Variants in CFAP100 observed in about 807,000 individuals in gnomAD.
The protein encoded by CFAP100 is cilia- and flagella-associated protein 100.
Under a neutral mutation model 81.5 loss-of-function variants are expected in CFAP100, and 70 were observed. That is an observed-to-expected ratio of 0.86 (90% confidence interval 0.71 to 1.05). The LOEUF is 1.05. Ranked by LOEUF, CFAP100 falls within the 50% of genes least tolerant of loss-of-function variation. The probability of loss-of-function intolerance (pLI) is 0.00; values close to 1 mark genes in which losing one functional copy is unlikely to be tolerated. For missense variants in CFAP100, 811 were observed against 776.5 expected (o/e 1.04, Z -0.53); for synonymous variants, 341 against 314.8 (o/e 1.08, Z -0.88).
Position 126,416,445 on chromosome 3 carries a change from G to C in CFAP100, c.355G>C (p.Ala119Pro), listed in dbSNP as rs1488378584. The part of the protein sequence containing the change: ...EDKQEDLEAR[A>P]EAEHQRAFRD... ...CAAGCAGGAGGACCTGGAGGCGCGCGCCGAGGCCGAGCATCAGCGCGCCTT... is the reference window on the plus strand; with the variant it reads ...CAAGCAGGAGGACCTGGAGGCGCGCCCCGAGGCCGAGCATCAGCGCGCCTT... Residue 119 changes from alanine to proline, a missense_variant, in exon 5 of 17, where the codon GCC becomes CCC. By Grantham distance (27) the Ala-to-Pro change is conservative. Coordinates refer to ENST00000352312, the MANE Select transcript of CFAP100 (RefSeq NM_182628.3). The C allele has an allele frequency of 2.5e-6, 4 of 1,610,330 alleles. No individual in the cohort carries two copies. Among genetic ancestry groups the C allele is most frequent in the Non-Finnish European group, 3.4e-6 (4 of 1,178,882 alleles).
At chr3:126,434,959 G>A (rs573420711) in intron 15 of CFAP100, among the ~76,000 whole-genome samples, 1 of 152,232 alleles carries the variant, frequency 6.6e-6, no homozygotes, top group Admixed American at 6.5e-5. Flanking sequence ...CGGGACACCA[G>A]CCTGAACCCA....
chr3:126,423,063 C>G (rs1168956696), intron 11 of CFAP100, among the ~76,000 whole-genome samples: 4 of 152,242 alleles, frequency 2.6e-5, no homozygotes, highest in East Asian at 1.9e-4. Context: ...GGGCCTCTGG[C>G]GACAGGTCTG....
chr3:126,415,934 G>A (rs1035430805), intron 4 of CFAP100, among the ~76,000 whole-genome samples: 2 of 152,212 alleles, frequency 1.3e-5, no homozygotes, highest in Non-Finnish European at 2.9e-5. Context: ...CTACACAGTC[G>A]TAGTCTTCGG....
At chr3:126,434,483 C>T in intron 15 of CFAP100, 102 bp downstream of exon 15, 1 of 1,113,770 alleles carries the variant, frequency 9.0e-7, no homozygotes, top group East Asian at 2.5e-5. Flanking sequence ...GGAGACAGGC[C>T]CCTCCTGCTC....
At chr3:126,434,883 G>A (rs1323565325) in intron 15 of CFAP100, among the ~76,000 whole-genome samples, 1 of 152,176 alleles carries the variant, frequency 6.6e-6, no homozygotes, top group East Asian at 1.9e-4. Context: ...GAGGCTCAGA[G>A]AGCCTTGGGA....
chr3:126,435,574 G>A lies in CFAP100; in HGVS notation c.1644G>A (p.Lys548=), dbSNP rs1933413127. 1 of 1,611,500 alleles carries A rather than the reference G, an allele frequency of 6.2e-7. No homozygotes were observed. The highest frequency in any genetic ancestry group is 1.7e-5 in the Admixed American group (1 of 59,860). ...KERRIRLREE[K]LQMQKILQEE... Reference sequence around the variant, plus strand: ...TGCCACCCAGACTTCGAGAAGAGAAGCTCCAGATGCAAAAGATCCTACAGG... The same window carrying A: ...TGCCACCCAGACTTCGAGAAGAGAAACTCCAGATGCAAAAGATCCTACAGG... The change falls in exon 16 of 17, where the codon AAG becomes AAA. Residue 548 remains lysine (K), a synonymous_variant. Transcript: ENST00000352312.
At chr3:126,415,069 C>T (rs1576629665) in intron 4 of CFAP100, among the ~76,000 whole-genome samples, 1 of 152,130 alleles carries the variant, frequency 6.6e-6, no homozygotes, top group Admixed American at 6.5e-5. Flanking sequence ...ACTCTCTGAC[C>T]CACGCCTTGG....
intron 14 of CFAP100, 156 bp downstream of exon 14, chr3:126,433,360 C>CA (rs1380760893): frequency 4.8e-6 from 4 of 830,120 alleles, no homozygotes; most frequent in East Asian, 5.2e-5. Flanking sequence ...GGAGCCACCA[C>CA]ATGTATTGAT....
chr3:126,415,789 T>G (rs1408891920), intron 4 of CFAP100, among the ~76,000 whole-genome samples: 1 of 152,114 alleles, frequency 6.6e-6, no homozygotes, highest in Non-Finnish European at 1.5e-5. Context: ...GAGTCCTGCC[T>G]TCCTGCTCCT....
chr3:126,405,527 G>C (rs1403195760), intron 2 of CFAP100, among the ~76,000 whole-genome samples: 1 of 152,146 alleles, frequency 6.6e-6, no homozygotes, highest in Non-Finnish European at 1.5e-5. Flanking sequence ...GCTGGGGGTG[G>C]TGGTGCACAC....
At chr3:126,415,783 C>T (rs908889924) in intron 4 of CFAP100, among the ~76,000 whole-genome samples, 1 of 152,174 alleles carries the variant, frequency 6.6e-6, no homozygotes, top group South Asian at 2.1e-4. Context: ...GGAGGTGAGT[C>T]CTGCCTTCCT....
chr3:126,419,786 A>G lies in CFAP100; in HGVS notation c.881A>G (p.Glu294Gly). The change falls in exon 9 of 17, where the codon GAG becomes GGG. Residue 294 changes from glutamate (E) to glycine (G), a missense_variant. Coordinates refer to ENST00000352312, the MANE Select transcript of CFAP100 (RefSeq NM_182628.3). ...KAKEVSEASK[E>G]SSVNSTPGDK... ...AAGGAGGTCTCCGAGGCTTCCAAAG[A>G]GAGCAGTGTTAACTCCACACCAGGG... 1.2e-6 allele frequency: 2 copies of G among 1,613,988 alleles called. No individual in the cohort carries two copies. Among genetic ancestry groups the G allele is most frequent in the Non-Finnish European group, 1.7e-6 (2 of 1,180,044 alleles).
intron 13 of CFAP100, 149 bp from the exon 14 acceptor site, chr3:126,432,920 C>G: frequency 1.5e-6 from 1 of 665,204 alleles, no homozygotes; most frequent in Admixed American, 3.6e-5. Flanking sequence ...ATTTCTGACC[C>G]CCTGGGCATG....
At chr3:126,407,728 A>G (rs999866396) in intron 3 of CFAP100, among the ~76,000 whole-genome samples, 3 of 152,218 alleles carry the variant, frequency 2.0e-5, no homozygotes, top group Non-Finnish European at 1.5e-5. Context: ...CCAAGCAGCA[A>G]TGTCTTCCCA....
chr3:126,401,397 T>TTATACATA (rs2082977404), intron 2 of CFAP100, among the ~76,000 whole-genome samples: 2 of 76,188 alleles, frequency 2.6e-5, no homozygotes, highest in Admixed American at 1.3e-4. Context: ...AAATCGTATT[T>TTATACATA]TATATATATA....
chr3:126,411,166 C>A (rs1339947284), intron 3 of CFAP100, among the ~76,000 whole-genome samples: 1 of 152,122 alleles, frequency 6.6e-6, no homozygotes, highest in Non-Finnish European at 1.5e-5. Flanking sequence ...TGTTTTAATT[C>A]TGCTTATGTG....
Position 126,416,463 on chromosome 3 carries a change from C to A in CFAP100, c.373C>A (p.Arg125Ser), listed in dbSNP as rs757735622. 3.1e-6 allele frequency: 5 copies of A among 1,606,764 alleles called. No homozygotes were observed. In the African/African-American group the frequency reaches 6.7e-5, roughly 22 times the overall value. ...LEARAEAEHQ[R>S]AFRDYTTWKL... is the part of the protein sequence containing the mutation. Reference sequence around the variant, plus strand: ...GGCGCGCGCCGAGGCCGAGCATCAGCGCGCCTTCCGCGACTACACGACCTG... The same window carrying A: ...GGCGCGCGCCGAGGCCGAGCATCAGAGCGCCTTCCGCGACTACACGACCTG... The change falls in exon 5 of 17, where the codon CGC (arginine) becomes AGC (serine). Residue 125 changes from arginine to serine, a missense_variant. By Grantham distance (110) the Arg-to-Ser change is moderately radical. Transcript: ENST00000352312.
At position 126,418,686 on chromosome 3, in the gene CFAP100, C is replaced by A. The variant is rs748730480; in HGVS notation, c.562C>A (p.Arg188=). ...GACCAAAGAGGAGGCCAGGCTGGAG[C>A]GGGCCGAGAAATCCCTGGAGAAGGA... The part of the protein sequence containing the change: ...LATKEEARLE[R]AEKSLEKDAA... The change falls in exon 7 of 17, where the codon CGG becomes AGG. Residue 188 remains arginine, a synonymous_variant. Transcript: ENST00000352312. 3.2e-6 allele frequency: 5 copies of A among 1,582,168 alleles called. No homozygotes were observed. Among genetic ancestry groups the A allele is most frequent in the Non-Finnish European group, 4.3e-6 (5 of 1,165,630 alleles).
rs866705267 is a variant in CFAP100 at position 126,423,327 on chromosome 3, C to G, written c.1085C>G (p.Ser362Trp). 1.9e-6 allele frequency: 3 copies of G among 1,612,918 alleles called. No individual in the cohort carries two copies. Among genetic ancestry groups the G allele is most frequent in the Admixed American group, 3.3e-5 (2 of 59,900 alleles). Residue 362 changes from serine to tryptophan, a missense_variant and splice_region_variant, in exon 12 of 17, where the codon TCG becomes TGG. Coordinates refer to ENST00000352312, the MANE Select transcript of CFAP100 (RefSeq NM_182628.3). ...CCGACCCTGCCATCTCTTCGCAGGTCGAACTCTCCCATCCCCCCCACGCAG... is the reference window on the plus strand; with the variant it reads ...CCGACCCTGCCATCTCTTCGCAGGTGGAACTCTCCCATCCCCCCCACGCAG... The part of the protein sequence containing the change: ...SESSGGDSRG[S>W]NSPIPPTQED...
Sources: gnomAD v4.1 joint callset for allele counts (sites outside exome capture counted in the v4.1 genomes callset) on GRCh38, gnomAD v4.1.1 for gene constraint, MANE v1.5 for transcripts, NCBI Gene and HGNC (gene_info 2026-07-23, HGNC 2026-07-21) for gene names.